The following ZMAT4 variants were observed in gnomAD, a reference collection of about 807,000 sequenced individuals.
ZMAT4 encodes zinc finger matrin-type 4.
In ZMAT4, 17 loss-of-function variants were observed where a neutral mutation model predicts 28.7. That is an observed-to-expected ratio of 0.59 (90% CI 0.41 to 0.89). The LOEUF (loss-of-function observed/expected upper bound fraction) is 0.89. Among genes scored for constraint, ZMAT4 ranks in the 40% least tolerant of loss-of-function variants. The pLI is 0.00. For missense variants in ZMAT4, 240 were observed against 283.8 expected, an observed-to-expected ratio of 0.85 and a Z score of 1.11; for synonymous variants, 117 against 109.2, an observed-to-expected ratio of 1.07 and a Z score of -0.44.
chr8:40,792,529 A>AAGGAAGGG (rs1292602422), intron 2 of ZMAT4, among the ~76,000 whole-genome samples: 1 of 13,992 alleles, frequency 7.1e-5, no homozygotes, highest in African/African-American at 3.6e-4. Flanking sequence ...GGAAGGAAGG[A>AAGGAAGGG]AGGGACAGAG....
intron 6 of ZMAT4, among the ~76,000 whole-genome samples, chr8:40,549,641 C>T (rs930558731): frequency 2.1e-4 from 32 of 152,166 alleles, no homozygotes; most frequent in African/African-American, 7.2e-4. Flanking sequence ...TTAGCTTCCA[C>T]ATTTCCACTG....
intron 3 of ZMAT4, among the ~76,000 whole-genome samples, chr8:40,763,979 T>TCA (rs1813040563): frequency 6.9e-6 from 1 of 144,524 alleles, no homozygotes; most frequent in African/African-American, 2.6e-5. Context: ...AATCAAAGTA[T>TCA]CACACACACA....
chr8:40,743,127 T>G (rs187501962), intron 3 of ZMAT4, among the ~76,000 whole-genome samples: 2 of 152,070 alleles, frequency 1.3e-5, no homozygotes, highest in African/African-American at 2.4e-5. Context: ...GAAACAATCA[T>G]TGTACATCAT....
intron 5 of ZMAT4, among the ~76,000 whole-genome samples, chr8:40,589,744 CTT>C (rs1250596024): frequency 6.8e-6 from 1 of 146,158 alleles, no homozygotes; most frequent in Non-Finnish European, 1.5e-5. Context: ...TTCTTTCTTT[CTT>C]TCTTTCTTTC....
At chr8:40,755,880 C>T (rs1359518079) in intron 3 of ZMAT4, among the ~76,000 whole-genome samples, 3 of 152,104 alleles carry the variant, frequency 2.0e-5, no homozygotes, top group Non-Finnish European at 4.4e-5. Flanking sequence ...CTGAATTTGG[C>T]CAGTGGTTAT....
At chr8:40,662,789 T>C (rs772558891) in intron 5 of ZMAT4, among the ~76,000 whole-genome samples, 3 of 152,192 alleles carry the variant, frequency 2.0e-5, no homozygotes, top group East Asian at 1.9e-4. Flanking sequence ...ATAGGAAACG[T>C]TGACCTTGTC....
intron 1 of ZMAT4, among the ~76,000 whole-genome samples, chr8:40,837,933 C>G (rs1235759398): frequency 6.6e-6 from 1 of 152,226 alleles, no homozygotes; most frequent in Non-Finnish European, 1.5e-5. Context: ...TGCTCCTCAC[C>G]CCTGGCACAT....
chr8:40,555,451 C>A (rs1393399172), intron 6 of ZMAT4, among the ~76,000 whole-genome samples: 4 of 152,158 alleles, frequency 2.6e-5, no homozygotes, highest in East Asian at 1.9e-4. Flanking sequence ...ACGAAAATAG[C>A]AGGTAACATT....
chr8:40,681,661 C>T (rs1045237204), intron 4 of ZMAT4, among the ~76,000 whole-genome samples: 5 of 152,060 alleles, frequency 3.3e-5, no homozygotes, highest in African/African-American at 1.2e-4. Context: ...ATAGTAGATG[C>T]TCAATGAACA....
At chr8:40,756,829 G>T (rs530886891) in intron 3 of ZMAT4, among the ~76,000 whole-genome samples, 2 of 151,936 alleles carry the variant, frequency 1.3e-5, no homozygotes, top group East Asian at 1.9e-4. Context: ...TTTTACGTAC[G>T]TTTCTGTTAA....
At chr8:40,713,594 C>T (rs1180809246) in intron 3 of ZMAT4, among the ~76,000 whole-genome samples, 1 of 152,008 alleles carries the variant, frequency 6.6e-6, no homozygotes, top group Non-Finnish European at 1.5e-5. Flanking sequence ...ACAACATAAA[C>T]TAAAAATGGA....
chr8:40,820,244 G>T (rs571071349), intron 2 of ZMAT4, among the ~76,000 whole-genome samples: 1 of 150,810 alleles, frequency 6.6e-6, no homozygotes, highest in East Asian at 2.0e-4. Context: ...GTACGTGTGC[G>T]CATATATGTG....
chr8:40,690,943 T>A (rs1809636368), intron 4 of ZMAT4: 1 of 984,398 alleles, frequency 1.0e-6, no homozygotes, highest in Admixed American at 6.1e-5. Flanking sequence ...TTGTTTACTG[T>A]TCCTGCAAAT....
chr8:40,602,931 A>G (rs1450639681), intron 5 of ZMAT4, among the ~76,000 whole-genome samples: 1 of 152,040 alleles, frequency 6.6e-6, no homozygotes, highest in Non-Finnish European at 1.5e-5. Flanking sequence ...CCATCCATTT[A>G]TCTTTGTTTT....
intron 3 of ZMAT4, among the ~76,000 whole-genome samples, chr8:40,759,381 G>A (rs1812835501): frequency 6.6e-6 from 1 of 151,950 alleles, no homozygotes; most frequent in Admixed American, 6.6e-5. Flanking sequence ...ATATGTAAAG[G>A]TCATAAGATA....
intron 3 of ZMAT4, among the ~76,000 whole-genome samples, chr8:40,737,101 A>T (rs576687409): frequency 6.6e-6 from 1 of 152,356 alleles, no homozygotes; most frequent in Admixed American, 6.5e-5. Flanking sequence ...CAAATAAAAC[A>T]ACACAGAGAG....
At chr8:40,688,863 C>G (rs1585881853) in intron 4 of ZMAT4, among the ~76,000 whole-genome samples, 1 of 152,158 alleles carries the variant, frequency 6.6e-6, no homozygotes, top group Non-Finnish European at 1.5e-5. Flanking sequence ...AAAAACGTAG[C>G]TAGGCTCTGA....
intron 5 of ZMAT4, among the ~76,000 whole-genome samples, chr8:40,605,818 G>A (rs893615621): frequency 6.6e-6 from 1 of 152,076 alleles, no homozygotes; most frequent in Non-Finnish European, 1.5e-5. Flanking sequence ...AGATCTAGTA[G>A]TAATTGTTTT....
At chr8:40,755,099 A>G (rs540647908) in intron 3 of ZMAT4, among the ~76,000 whole-genome samples, 1 of 152,350 alleles carries the variant, frequency 6.6e-6, no homozygotes, top group East Asian at 1.9e-4. Context: ...TTTCCACATC[A>G]TATGTTCACA....
Sources: gnomAD v4.1 joint callset for allele counts (sites outside exome capture counted in the v4.1 genomes callset) on GRCh38, gnomAD v4.1.1 for gene constraint, MANE v1.5 for transcripts, NCBI Gene and HGNC (gene_info 2026-07-23, HGNC 2026-07-21) for gene names.